The following GRIP1 variants were observed in gnomAD, a reference collection of about 807,000 sequenced individuals.
GRIP1 encodes glutamate receptor-interacting protein 1.
In GRIP1, 45 loss-of-function variants were observed where a neutral mutation model predicts 129.9. That is an observed-to-expected ratio of 0.35 (90% CI 0.27 to 0.44). GRIP1 has a LOEUF of 0.44. Ranked by LOEUF, GRIP1 falls within the 20% of genes least tolerant of loss-of-function variation. The pLI, the probability that GRIP1 is intolerant of heterozygous loss-of-function variation, is 1.00. For missense variants in GRIP1, 1,196 were observed against 1,396.8 expected (o/e 0.86, Z 2.29); for synonymous variants, 530 against 520.8 (o/e 1.02, Z -0.24).
At chr12:66,457,735 T>A (rs988579735) in intron 9 of GRIP1, among the ~76,000 whole-genome samples, 20 of 152,044 alleles carry the variant, frequency 1.3e-4, no homozygotes, top group Admixed American at 1.2e-3. Context: ...CTTTCTAGAA[T>A]GAAACAGGAC....
chr12:66,540,864 A>G (rs1449608260), intron 3 of GRIP1, among the ~76,000 whole-genome samples: 1 of 152,112 alleles, frequency 6.6e-6, no homozygotes, highest in African/African-American at 2.4e-5. Flanking sequence ...GCACAGTCTT[A>G]GTTCACTGCA....
intron 23 of GRIP1, among the ~76,000 whole-genome samples, chr12:66,359,649 A>G (rs564251603): frequency 4.5e-4 from 68 of 152,332 alleles, no homozygotes; most frequent in Non-Finnish European, 8.5e-4. Flanking sequence ...AAAGTAATCT[A>G]TTTCTCCAGA....
intron 1 of GRIP1, among the ~76,000 whole-genome samples, chr12:66,823,611 T>TA (rs1040595987): frequency 1.1e-4 from 17 of 152,032 alleles, no homozygotes; most frequent in South Asian, 4.2e-4. Context: ...TGTACTTTGA[T>TA]AAAAAAAATC....
At chr12:66,417,251 T>A (rs1039426174) in intron 15 of GRIP1, among the ~76,000 whole-genome samples, 66 of 152,030 alleles carry the variant, frequency 4.3e-4, no homozygotes, top group African/African-American at 1.5e-3. Context: ...CCCTTCATGA[T>A]AAAAATCCTC....
At chr12:66,457,748 G>A (rs1323861488) in intron 9 of GRIP1, among the ~76,000 whole-genome samples, 3 of 151,218 alleles carry the variant, frequency 2.0e-5, no homozygotes, top group African/African-American at 4.9e-5. Flanking sequence ...AACAGGACAT[G>A]AAAAAAAAAG....
chr12:66,401,010 T>C (rs1392018027), intron 16 of GRIP1, among the ~76,000 whole-genome samples: 2 of 152,130 alleles, frequency 1.3e-5, no homozygotes, highest in Non-Finnish European at 2.9e-5. Flanking sequence ...TCCCAGAGCC[T>C]TGGACCCACA....
At chr12:66,884,761 G>T (rs1225304419) in intron 1 of GRIP1, among the ~76,000 whole-genome samples, 1 of 151,802 alleles carries the variant, frequency 6.6e-6, no homozygotes, top group Non-Finnish European at 1.5e-5. Flanking sequence ...AAACAGAAAA[G>T]AACAAAAAAT....
chr12:66,602,760 T>C (rs1050140255), intron 1 of GRIP1, among the ~76,000 whole-genome samples: 1 of 152,070 alleles, frequency 6.6e-6, no homozygotes, highest in Non-Finnish European at 1.5e-5. Context: ...ATGGCATTAA[T>C]GTCTATCCTT....
At chr12:66,779,654 A>G (rs2038093826) in intron 1 of GRIP1, among the ~76,000 whole-genome samples, 1 of 152,250 alleles carries the variant, frequency 6.6e-6, no homozygotes, top group Admixed American at 6.5e-5. Flanking sequence ...CGTTCATTCA[A>G]CCTACTAATA....
chr12:67,031,939 G>C (rs1349167337), intron 1 of GRIP1, among the ~76,000 whole-genome samples: 1 of 152,068 alleles, frequency 6.6e-6, no homozygotes, highest in Non-Finnish European at 1.5e-5. Flanking sequence ...AACATACCCT[G>C]TATCTTCCCT....
chr12:66,978,273 GA>G (rs2042186263), intron 1 of GRIP1, among the ~76,000 whole-genome samples: 1 of 152,056 alleles, frequency 6.6e-6, no homozygotes, highest in Non-Finnish European at 1.5e-5. Flanking sequence ...TAGAAGCAAG[GA>G]ATTTTTTTTA....
At chr12:66,659,719 A>T (rs2136187288) in intron 1 of GRIP1, among the ~76,000 whole-genome samples, 1 of 152,308 alleles carries the variant, frequency 6.6e-6, no homozygotes, top group Admixed American at 6.5e-5. Context: ...TTCTCTAAAC[A>T]TGGACATTTT....
chr12:66,772,218 T>C (rs980199399), intron 1 of GRIP1, among the ~76,000 whole-genome samples: 1 of 152,216 alleles, frequency 6.6e-6, no homozygotes, highest in African/African-American at 2.4e-5. Context: ...TCCTGTGATG[T>C]CCAGAGCTAG....
At chr12:66,353,301 G>A in intron 24 of GRIP1, 116 bp downstream of exon 24, 1 of 800,204 alleles carries the variant, frequency 1.2e-6, no homozygotes, top group Non-Finnish European at 2.2e-6. Flanking sequence ...CCATAATCTT[G>A]ATGACAAAGG....
At chr12:67,055,513 G>C (rs2043420717) in intron 1 of GRIP1, among the ~76,000 whole-genome samples, 1 of 152,184 alleles carries the variant, frequency 6.6e-6, no homozygotes, top group Admixed American at 6.5e-5. Context: ...TAAAGTCTAG[G>C]GCAGCAGCTC....
intron 1 of GRIP1, among the ~76,000 whole-genome samples, chr12:67,007,478 TC>T (rs1351819631): frequency 6.7e-6 from 1 of 150,202 alleles, no homozygotes; most frequent in Non-Finnish European, 1.5e-5. Flanking sequence ...ACTCCCCTCA[TC>T]CCCCCCAAAA....
Position 66,648,681 on chromosome 12 carries a change from T to C in GRIP1, c.55+30169A>G, listed in dbSNP as rs528240980. Among the ~76,000 whole-genome samples, 16 of 152,298 alleles carry C rather than the reference T, an allele frequency of 1.1e-4. No homozygotes were observed. The East Asian group carries it at 3.1e-3, about 29-fold the overall frequency. Reference sequence around the variant, plus strand: ...GGCTGAATGCACAGCGAGCAAGAAGTTGATGACAGAGTCGGTGACATTATC... The same window carrying C: ...GGCTGAATGCACAGCGAGCAAGAAGCTGATGACAGAGTCGGTGACATTATC... On this transcript the variant is annotated intron_variant, in intron 1 of 24. Coordinates refer to ENST00000359742, the MANE Select transcript of GRIP1 (RefSeq NM_001366722.1).
intron 1 of GRIP1, among the ~76,000 whole-genome samples, chr12:66,960,301 A>G (rs1314030636): frequency 6.6e-6 from 1 of 152,138 alleles, no homozygotes; most frequent in Non-Finnish European, 1.5e-5. Flanking sequence ...AAGAGGTGAG[A>G]GCTGTACATA....
chr12:66,868,365 C>T (rs1223359026), intron 1 of GRIP1, among the ~76,000 whole-genome samples: 1 of 152,038 alleles, frequency 6.6e-6, no homozygotes, highest in Non-Finnish European at 1.5e-5. Context: ...AGCGGGAAGA[C>T]TCAATGAGAC....
Sources: allele counts gnomAD v4.1 joint callset (sites outside exome capture counted in the v4.1 genomes callset), GRCh38; gene constraint gnomAD v4.1.1; transcripts MANE v1.5; gene names NCBI Gene and HGNC (gene_info 2026-07-23, HGNC 2026-07-21).